SMYD4: variants seen among roughly 807,000 people sequenced by gnomAD.
SMYD4 encodes SET and MYND domain containing 4.
Under a neutral mutation model 72.8 loss-of-function variants are expected in SMYD4, and 68 were observed. That is an observed-to-expected ratio of 0.93 (90% CI 0.77 to 1.14). SMYD4 has a LOEUF of 1.14. SMYD4 is among the 50% of genes most tolerant of loss of function. The pLI is 0.00. For missense variants in SMYD4, 984 were observed against 1,003.7 expected, an observed-to-expected ratio of 0.98 and a Z score of 0.27; for synonymous variants, 407 against 388.6, an observed-to-expected ratio of 1.05 and a Z score of -0.56.
At chr17:1,817,010 C>T (rs1451908859) in intron 2 of SMYD4, among the ~76,000 whole-genome samples, 1 of 148,862 alleles carries the variant, frequency 6.7e-6, no homozygotes, top group East Asian at 2.0e-4. Context: ...TGTGGGTTAT[C>T]CTTTCACTCT....
intron 1 of SMYD4, among the ~76,000 whole-genome samples, chr17:1,828,918 G>A (rs1346835054): frequency 6.6e-6 from 1 of 151,948 alleles, no homozygotes; most frequent in African/African-American, 2.4e-5. Flanking sequence ...TAGTTTCTCT[G>A]AGACACATCC....
At chr17:1,805,951 T>A (rs1033928157) in intron 3 of SMYD4, among the ~76,000 whole-genome samples, 26 of 147,168 alleles carry the variant, frequency 1.8e-4, no homozygotes, top group African/African-American at 6.2e-4. Flanking sequence ...TGAGACGGAG[T>A]CTCGCTCTGT....
intron 7 of SMYD4, 115 bp from the exon 8 acceptor site, chr17:1,784,576 T>C: frequency 2.0e-6 from 3 of 1,508,816 alleles, no homozygotes; most frequent in Non-Finnish European, 1.8e-6. Context: ...AAGAGACTCC[T>C]GTAACAATAC....
At position 1,784,316 on chromosome 17, in the gene SMYD4, C is replaced by A. The variant is rs779040370; in HGVS notation, c.2020+10G>T. On this transcript the variant is annotated intron_variant, in intron 8 of 10. Transcript: ENST00000305513. ...GGGGCTGGAGGACCAAAGCAGGGAG[C>A]CAGTCTCACCTAGTTCACCATCTCT... 25 of 1,613,972 alleles carry A rather than the reference C, an allele frequency of 1.5e-5. 1 individual carries two copies. The South Asian group carries it at 2.6e-4, about 17-fold the overall frequency.
chr17:1,809,521 CCCG>C (rs1910215356), intron 3 of SMYD4, among the ~76,000 whole-genome samples: 1 of 150,812 alleles, frequency 6.6e-6, no homozygotes, highest in Non-Finnish European at 1.5e-5. Context: ...ATTACAGGCG[CCCG>C]CCACCACGCC....
chr17:1,814,316 A>C (rs1324872419), intron 2 of SMYD4, among the ~76,000 whole-genome samples: 1 of 152,138 alleles, frequency 6.6e-6, no homozygotes, highest in Non-Finnish European at 1.5e-5. Flanking sequence ...AAAAAACAAA[A>C]AACAACAACA....
chr17:1,783,015 G>A lies in SMYD4; in HGVS notation c.2261+20C>T, dbSNP rs201568462. Reference sequence around the variant, plus strand: ...AGGAAAGGAACAGTGTGTGCCCTGTGAAGTGGGAAAGGGACTCACCCGTTG... The same window carrying A: ...AGGAAAGGAACAGTGTGTGCCCTGTAAAGTGGGAAAGGGACTCACCCGTTG... On this transcript the variant is annotated intron_variant, in intron 10 of 10. Coordinates refer to ENST00000305513, the MANE Select transcript of SMYD4 (RefSeq NM_052928.3). 12 of 1,611,458 alleles carry A rather than the reference G, an allele frequency of 7.4e-6. No homozygotes were observed. In the Admixed American group the frequency reaches 1.4e-4, roughly 18 times the overall value.
rs1423221673 is a variant in SMYD4, at chr17:1,794,254, C to T, written c.1537+5603G>A. On this transcript the variant is annotated intron_variant, in intron 5 of 10. Coordinates refer to ENST00000305513, the MANE Select transcript of SMYD4 (RefSeq NM_052928.3). ...CCTCCCAAGTAGCTGGGACTACAGG[C>T]GCCCACCACCACACCAGGCTAATTT... 1.1e-4 allele frequency among the ~76,000 whole-genome samples: 16 copies of T among 146,350 alleles called. No homozygotes were observed. The East Asian group carries it at 1.4e-3, about 13-fold the overall frequency.
intron 5 of SMYD4, among the ~76,000 whole-genome samples, chr17:1,791,468 A>AC (rs11402592): frequency 0.019 from 2,918 of 152,246 alleles, 114 homozygotes; most frequent in African/African-American, 0.067. Context: ...TACTAATGAA[A>AC]CAGCTGCTAA....
intron 2 of SMYD4, among the ~76,000 whole-genome samples, chr17:1,824,459 G>A (rs954758758): frequency 6.6e-6 from 1 of 152,098 alleles, no homozygotes; most frequent in African/African-American, 2.4e-5. Context: ...GATATGGCGT[G>A]GCTGTGTCCC....
chr17:1,788,149 G>A (rs1262108295), intron 5 of SMYD4, among the ~76,000 whole-genome samples: 2 of 151,968 alleles, frequency 1.3e-5, no homozygotes, highest in Non-Finnish European at 1.5e-5. Flanking sequence ...GGAGTTCAAG[G>A]CCAGCCTGGA....
chr17:1,798,989 C>G (rs1485458473), intron 5 of SMYD4, among the ~76,000 whole-genome samples: 1 of 151,266 alleles, frequency 6.6e-6, no homozygotes, highest in Admixed American at 6.6e-5. Flanking sequence ...TTTTTACAAA[C>G]AGCCAGGCAC....
chr17:1,817,988 A>C (rs1041444410), intron 2 of SMYD4, among the ~76,000 whole-genome samples: 14 of 147,504 alleles, frequency 9.5e-5, no homozygotes, highest in African/African-American at 3.3e-4. Context: ...CGGAGCTTGC[A>C]GTGAGCCGAG....
chr17:1,824,827 G>T (rs1002805833), intron 2 of SMYD4, among the ~76,000 whole-genome samples: 2 of 151,960 alleles, frequency 1.3e-5, no homozygotes, highest in African/African-American at 2.4e-5. Context: ...GTTTCACCAT[G>T]TTGGCTGGGC....
At chr17:1,808,351 G>A (rs569125286) in intron 3 of SMYD4, among the ~76,000 whole-genome samples, 6 of 152,106 alleles carry the variant, frequency 3.9e-5, no homozygotes, top group African/African-American at 1.4e-4. Flanking sequence ...AATTGTCGAA[G>A]GAAAAAAGCA....
rs1555576730 is a variant in SMYD4 at position 1,799,817 on chromosome 17, G to C, written c.1537+40C>G. ...TCTTCTCAAACACCTGCTCCATCGA[G>C]AACAATATTGAAAAGCAGGAACATC... On this transcript the variant is annotated intron_variant, in intron 5 of 10. Transcript: ENST00000305513. The C allele has an allele frequency of 6.0e-6, 9 of 1,507,990 alleles. No homozygotes were observed. In the South Asian group the frequency reaches 1.2e-4, roughly 20 times the overall value. The allele number at this position is 1,507,990 out of a possible 1,614,324, so 93.4% of individuals were successfully genotyped here.
intron 5 of SMYD4, among the ~76,000 whole-genome samples, chr17:1,794,069 G>GTA (rs1567770926): frequency 1.9e-4 from 13 of 67,952 alleles, no homozygotes; most frequent in Admixed American, 3.6e-4. Context: ...ATATATATGT[G>GTA]TATATATATG....
At chr17:1,785,109 G>A (rs1172436304) in intron 7 of SMYD4, among the ~76,000 whole-genome samples, 2 of 148,446 alleles carry the variant, frequency 1.3e-5, no homozygotes, top group Non-Finnish European at 1.5e-5. Flanking sequence ...ATTTCTAGTA[G>A]TTATGAAAAA....
At position 1,799,848 on chromosome 17, in the gene SMYD4, C is replaced by T. The variant is rs370152577; in HGVS notation, c.1537+9G>A. The stretch of plus-strand genomic sequence containing the variant: ...TATTGAAAAGCAGGAACATCAGGTT[C>T]CCTCTTACCTGTGTGTTGTATGGTG... On this transcript the variant is annotated intron_variant, in intron 5 of 10. Transcript: ENST00000305513. The T allele has an allele frequency of 1.3e-6, 2 of 1,543,544 alleles. No homozygotes were observed. Among genetic ancestry groups the T allele is most frequent in the African/African-American group, 2.7e-5 (2 of 72,742 alleles).
Sources: allele counts gnomAD v4.1 joint callset (sites outside exome capture counted in the v4.1 genomes callset), GRCh38; gene constraint gnomAD v4.1.1; transcripts MANE v1.5; gene names NCBI Gene and HGNC (gene_info 2026-07-23, HGNC 2026-07-21).